MAK16: variants seen among roughly 807,000 people sequenced by gnomAD.
MAK16 encodes protein MAK16 homolog.
A neutral mutation model predicts 49.9 loss-of-function variants in MAK16; 12 were observed. That is an observed-to-expected ratio of 0.24 (90% CI 0.15 to 0.39). MAK16 has a LOEUF of 0.39. MAK16 is among the 10% of genes least tolerant of loss of function. The pLI is 1.00. For synonymous variants in MAK16, 115 were observed against 126.4 expected, an observed-to-expected ratio of 0.91 and a Z score of 0.60; for missense variants, 292 against 363.7, an observed-to-expected ratio of 0.80 and a Z score of 1.60.
rs1380895036 is a variant in MAK16 at position 33,498,859 on chromosome 8, C to T, written c.*230C>T. ...TATAGCATATGTGTTGAAGTAACAG[C>T]TTGTGCCCGAGAAACTTAACAGATG... is the stretch of plus-strand genomic sequence containing the variant. On this transcript the variant is annotated 3_prime_UTR_variant, in exon 10 of 10. Coordinates refer to ENST00000360128, the MANE Select transcript of MAK16 (RefSeq NM_032509.4). The T allele has an allele frequency of 3.4e-6, 2 of 587,432 alleles. No individual in the cohort carries two copies. Among genetic ancestry groups the T allele is most frequent in the East Asian group, 2.8e-5 (1 of 35,112 alleles). The allele number at this position is 587,432 out of a possible 1,614,324, so 36.4% of individuals were successfully genotyped here.
intron 8 of MAK16, among the ~76,000 whole-genome samples, 165 bp downstream of exon 8, chr8:33,496,906 A>ACTGGTTGCTCTGCTCTGGTCTT (rs1361149086): frequency 6.6e-5 from 10 of 152,372 alleles, no homozygotes; most frequent in Non-Finnish European, 2.9e-5. Flanking sequence ...CAGGCTAACC[A>ACTGGTTGCTCTGCTCTGGTCTT]ACAAACCATT....
At position 33,500,190 on chromosome 8, in the gene MAK16, G is replaced by A; in HGVS notation, c.*1561G>A. ...AAGATCAAGCTCTTTTGAGGCTAGA[G>A]GGCTCATATGGAGATCTAAAACCCT... On this transcript the variant is annotated 3_prime_UTR_variant, in exon 10 of 10. Transcript: ENST00000360128. The A allele has an allele frequency of 1.1e-6, 1 of 879,546 alleles. No individual in the cohort carries two copies. 54.5% of individuals were successfully genotyped at this position (879,546 alleles called of 1,614,324 possible).
chr8:33,498,778 T>C lies in MAK16; in HGVS notation c.*149T>C, dbSNP rs1009912976. On this transcript the variant is annotated 3_prime_UTR_variant, in exon 10 of 10. Coordinates refer to ENST00000360128, the MANE Select transcript of MAK16 (RefSeq NM_032509.4). ...GTTTTTATTATTTATGCCACGTCAG[T>C]GGGGCAAGAAATCTGGAGTGAGTGA... 1.4e-6 allele frequency: 1 copy of C among 711,098 alleles called. No homozygotes were observed. Among genetic ancestry groups the C allele is most frequent in the Non-Finnish European group, 2.3e-6 (1 of 432,646 alleles). 44.0% of individuals were successfully genotyped at this position (711,098 alleles called of 1,614,324 possible).
rs964540265 is a variant in MAK16 at position 33,498,817 on chromosome 8, G to C, written c.*188G>C. ...TGGAGTGAGTGAAGAAAGCTAAGTT[G>C]TGAACAAGAGTGTTTTTATAGCATA... On this transcript the variant is annotated 3_prime_UTR_variant, in exon 10 of 10. Transcript: ENST00000360128. The C allele has an allele frequency of 1.6e-6, 1 of 621,556 alleles. No individual in the cohort carries two copies. Among genetic ancestry groups the C allele is most frequent in the African/African-American group, 1.8e-5 (1 of 54,276 alleles). The allele number at this position is 621,556 out of a possible 1,614,324, so 38.5% of individuals were successfully genotyped here.
chr8:33,488,666 C>T, intron 3 of MAK16, 37 bp downstream of exon 3: 1 of 1,611,506 alleles, frequency 6.2e-7, no homozygotes, highest in Non-Finnish European at 8.5e-7. Context: ...AGAACTGCTC[C>T]ACAGCTTTTA....
chr8:33,500,512 A>G lies in MAK16; in HGVS notation c.*1883A>G, dbSNP rs1414964769. The G allele has an allele frequency of 6.2e-7, 1 of 1,613,462 alleles. No homozygotes were observed. Among genetic ancestry groups the G allele is most frequent in the East Asian group, 2.2e-5 (1 of 44,870 alleles). On this transcript the variant is annotated 3_prime_UTR_variant, in exon 10 of 10. Coordinates refer to ENST00000360128, the MANE Select transcript of MAK16 (RefSeq NM_032509.4). ...AACTCTGGAATCAGGAAGAAAAGCT[A>G]TGTTCATACTCTAAATCTGGATATT... is the stretch of plus-strand genomic sequence containing the variant.
Position 33,489,266 on chromosome 8 carries a change from A to G in MAK16, c.392+127A>G. 1 of 790,902 alleles carries G rather than the reference A, an allele frequency of 1.3e-6. No individual in the cohort carries two copies. The highest frequency in any genetic ancestry group is 2.7e-5 in the East Asian group (1 of 37,630). The allele number at this position is 790,902 out of a possible 1,614,324, so 49.0% of individuals were successfully genotyped here. On this transcript the variant is annotated intron_variant, in intron 5 of 9. Transcript: ENST00000360128. The surrounding 1 kb of genome is among the most constrained non-coding windows in gnomAD (Gnocchi z 4.2). The stretch of plus-strand genomic sequence containing the variant: ...TGGAGTCTGTTATGATGTACTAAAG[A>G]GAAACTTTAGCTTTGACTAAAGGTG...
intron 8 of MAK16, among the ~76,000 whole-genome samples, 184 bp from the exon 9 acceptor site, chr8:33,497,047 GA>G (rs1808872415): frequency 6.6e-6 from 1 of 152,102 alleles, no homozygotes; most frequent in Non-Finnish European, 1.5e-5. Context: ...TTTAAATCAA[GA>G]ATAAGAATGA....
intron 9 of MAK16, among the ~76,000 whole-genome samples, 165 bp from the exon 10 acceptor site, chr8:33,498,267 G>A (rs1448123280): frequency 5.9e-5 from 4 of 67,392 alleles, no homozygotes; most frequent in East Asian, 3.5e-4. Flanking sequence ...GCAAGACCCC[G>A]TCTCAAAAAA....
At position 33,499,220 on chromosome 8, in the gene MAK16, T is replaced by C. The variant is rs186850947; in HGVS notation, c.*591T>C. 66 of 1,614,180 alleles carry C rather than the reference T, an allele frequency of 4.1e-5. No individual in the cohort carries two copies. In the East Asian group the frequency reaches 1.4e-3, roughly 33 times the overall value. On this transcript the variant is annotated 3_prime_UTR_variant, in exon 10 of 10. Coordinates refer to ENST00000360128, the MANE Select transcript of MAK16 (RefSeq NM_032509.4). ...CCTTCAGAAACCTGCTGCACTTTTC[T>C]GATATAGTTCACCACTTTTCTGTCT...
intron 1 of MAK16, among the ~76,000 whole-genome samples, chr8:33,487,300 A>C (rs1162787130): frequency 6.6e-6 from 1 of 152,214 alleles, no homozygotes; most frequent in African/African-American, 2.4e-5. Flanking sequence ...GCCTTACATA[A>C]ATTAAGTATA....
chr8:33,488,538 C>T lies in MAK16; in HGVS notation c.84C>T (p.Phe28=). The part of the protein sequence containing the change: ...SFKIRTKTQS[F]CRNEYSLTGL... ...ATTCTAGAACCAAGACTCAGAGCTT[C>T]TGCCGAAATGAATATAGCCTGACTG... Residue 28 remains phenylalanine (F), a synonymous_variant, in exon 3 of 10, where the codon TTC becomes TTT. Coordinates refer to ENST00000360128, the MANE Select transcript of MAK16 (RefSeq NM_032509.4). The T allele has an allele frequency of 6.2e-7, 1 of 1,614,184 alleles. No individual in the cohort carries two copies. Among genetic ancestry groups the T allele is most frequent in the Non-Finnish European group, 8.5e-7 (1 of 1,180,040 alleles).
At chr8:33,495,732 T>G in intron 7 of MAK16, 116 bp downstream of exon 7, 2 of 557,620 alleles carry the variant, frequency 3.6e-6, no homozygotes, top group South Asian at 4.5e-5. Context: ...TTTTTTTTTT[T>G]TTGAGATGGA....
chr8:33,488,138 G>C (rs1808717066), intron 1 of MAK16, among the ~76,000 whole-genome samples: 1 of 152,100 alleles, frequency 6.6e-6, no homozygotes, highest in African/African-American at 2.4e-5. Flanking sequence ...ATGTTAATCA[G>C]GCTGGTCTCA....
In MAK16 at chr8:33,499,113, CCATT is replaced by C. The variant is rs532032349; in HGVS notation, c.*488_*491del. The C allele has an allele frequency of 3.6e-4, 475 of 1,328,344 alleles. 1 individual carries two copies. The African/African-American group carries it at 6.5e-3, about 18-fold the overall frequency. 82.3% of individuals were successfully genotyped at this position (1,328,344 alleles called of 1,614,324 possible). On this transcript the variant is annotated 3_prime_UTR_variant, in exon 10 of 10. Transcript: ENST00000360128. ...AAATATCTTTTTTTCTTAAATAACTCCATTCATACAAATTGGGATGGGAAGAAAA... is the reference window on the plus strand; with the variant it reads ...AAATATCTTTTTTTCTTAAATAACTCCATACAAATTGGGATGGGAAGAAAA...
intron 1 of MAK16, among the ~76,000 whole-genome samples, chr8:33,486,476 GA>G (rs1808689393): frequency 6.6e-6 from 1 of 152,170 alleles, no homozygotes; most frequent in Non-Finnish European, 1.5e-5. Flanking sequence ...TACTTGAGCC[GA>G]AAAGTCCGAG....
rs1455986949 is a variant in MAK16, at chr8:33,500,281, A to G, written c.*1652A>G. On this transcript the variant is annotated 3_prime_UTR_variant, in exon 10 of 10. Transcript: ENST00000360128. Reference sequence around the variant, plus strand: ...AATTATAATCAATCATGGGAATTACATAAGGATAATGAGGCCCAACTGAAA... The same window carrying G: ...AATTATAATCAATCATGGGAATTACGTAAGGATAATGAGGCCCAACTGAAA... 1.2e-6 allele frequency: 2 copies of G among 1,609,284 alleles called. No individual in the cohort carries two copies. The highest frequency in any genetic ancestry group is 1.7e-6 in the Non-Finnish European group (2 of 1,176,178).
chr8:33,494,276 C>T (rs758351546), intron 6 of MAK16, among the ~76,000 whole-genome samples: 1 of 152,100 alleles, frequency 6.6e-6, no homozygotes, highest in Non-Finnish European at 1.5e-5. Flanking sequence ...GGTTTCACGA[C>T]GTTTGTCAGG....
intron 8 of MAK16, 60 bp downstream of exon 8, chr8:33,496,801 C>T (rs1421460283): frequency 6.5e-6 from 8 of 1,233,712 alleles, no homozygotes; most frequent in East Asian, 5.1e-5. Flanking sequence ...AACTGAGAAA[C>T]AGAATATCAT....
Sources: gnomAD v4.1 joint callset for allele counts (sites outside exome capture counted in the v4.1 genomes callset) on GRCh38, gnomAD v4.1.1 for gene constraint, Gnocchi (gnomAD v3.1) non-coding constraint, MANE v1.5 for transcripts, NCBI Gene and HGNC (gene_info 2026-07-23, HGNC 2026-07-21) for gene names.